The following RIT2 variants were observed in gnomAD, a reference collection of about 807,000 sequenced individuals.
RIT2 encodes Ras like without CAAX 2, also known as GTP-binding protein Rit2.
Under a neutral mutation model 23.7 loss-of-function variants are expected in RIT2, and 24 were observed. The observed-to-expected ratio is 1.01, with a 90% CI of 0.73 to 1.43. The LOEUF is 1.43. Ranked by LOEUF, RIT2 falls within the 40% of genes most tolerant of loss-of-function variation. The probability of loss-of-function intolerance (pLI) is 0.00; values close to 1 mark genes in which losing one functional copy is unlikely to be tolerated. For synonymous variants in RIT2, 107 were observed against 91.1 expected (o/e 1.17, Z -0.99); for missense variants, 236 against 266.9 (o/e 0.88, Z 0.81).
chr18:42,997,988 A>G (rs1911024479), intron 2 of RIT2, among the ~76,000 whole-genome samples: 1 of 152,196 alleles, frequency 6.6e-6, no homozygotes, highest in Non-Finnish European at 1.5e-5. Flanking sequence ...TAACCAAATC[A>G]TCTAAGCCAC....
At chr18:42,989,671 T>C (rs1910794033) in intron 2 of RIT2, among the ~76,000 whole-genome samples, 1 of 152,194 alleles carries the variant, frequency 6.6e-6, no homozygotes, top group Non-Finnish European at 1.5e-5. Context: ...TCATGGTTAC[T>C]GTGTTGGCCA....
chr18:42,792,511 C>A (rs557728248), intron 4 of RIT2, among the ~76,000 whole-genome samples: 1 of 152,192 alleles, frequency 6.6e-6, no homozygotes, highest in Admixed American at 6.5e-5. Context: ...TAAGAGTAGC[C>A]AATTTTCACT....
intron 4 of RIT2, among the ~76,000 whole-genome samples, chr18:42,885,217 A>C (rs577800159): frequency 8.4e-4 from 128 of 152,350 alleles, no homozygotes; most frequent in African/African-American, 3.0e-3. Context: ...CATTCATTTC[A>C]CAGATGGTAA....
intron 1 of RIT2, among the ~76,000 whole-genome samples, chr18:43,094,624 G>A (rs201891049): frequency 6.6e-6 from 1 of 152,132 alleles, no homozygotes; most frequent in East Asian, 1.9e-4. Context: ...TAGAATGAAT[G>A]TAGATATTAT....
intron 4 of RIT2, among the ~76,000 whole-genome samples, chr18:42,749,362 T>C (rs943057909): frequency 2.0e-5 from 3 of 151,804 alleles, no homozygotes; most frequent in African/African-American, 7.2e-5. Context: ...AGCATGTTTT[T>C]AAAAAGCATA....
At chr18:43,041,214 A>G (rs1335441527) in intron 1 of RIT2, among the ~76,000 whole-genome samples, 2 of 152,196 alleles carry the variant, frequency 1.3e-5, no homozygotes. Flanking sequence ...CTTTATGGAT[A>G]CAAAGAAAGT....
intron 4 of RIT2, among the ~76,000 whole-genome samples, chr18:42,892,827 T>C (rs1472498337): frequency 6.6e-6 from 1 of 152,172 alleles, no homozygotes; most frequent in Admixed American, 6.5e-5. Context: ...ATATACTGAA[T>C]TCACAGTGTT....
chr18:42,937,610 C>G (rs1158436576), intron 3 of RIT2, among the ~76,000 whole-genome samples: 1 of 152,120 alleles, frequency 6.6e-6, no homozygotes, highest in African/African-American at 2.4e-5. Context: ...AATGCAACTG[C>G]AAAGCTGGTT....
chr18:42,812,133 C>T (rs534644848), intron 4 of RIT2, among the ~76,000 whole-genome samples: 1 of 152,218 alleles, frequency 6.6e-6, no homozygotes, highest in African/African-American at 2.4e-5. Context: ...ATTTCTGGCT[C>T]TCTGAAACCA....
chr18:43,115,308 A>T, intron 1 of RIT2, 109 bp downstream of exon 1: 1 of 1,390,836 alleles, frequency 7.2e-7, no homozygotes, highest in Non-Finnish European at 9.9e-7. Flanking sequence ...TCTGTGTTTA[A>T]CTGCCACAGT....
chr18:42,938,531 A>G (rs1909517664), intron 3 of RIT2, among the ~76,000 whole-genome samples: 1 of 152,192 alleles, frequency 6.6e-6, no homozygotes, highest in African/African-American at 2.4e-5. Context: ...TTGAAGGAAG[A>G]CTTAACAAGA....
chr18:42,870,641 C>T (rs1308538389), intron 4 of RIT2, among the ~76,000 whole-genome samples: 1 of 151,994 alleles, frequency 6.6e-6, no homozygotes, highest in African/African-American at 2.4e-5. Context: ...CTGAAGATCC[C>T]ATACATAGGG....
chr18:42,838,506 C>G (rs1046264381), intron 4 of RIT2, among the ~76,000 whole-genome samples: 2 of 151,928 alleles, frequency 1.3e-5, no homozygotes, highest in Non-Finnish European at 2.9e-5. Flanking sequence ...GTAATACTAC[C>G]TCTAATCTTC....
At chr18:42,896,877 G>A (rs1033346614) in intron 4 of RIT2, among the ~76,000 whole-genome samples, 4 of 152,024 alleles carry the variant, frequency 2.6e-5, no homozygotes, top group Admixed American at 1.3e-4. Flanking sequence ...TCCTGGCTTA[G>A]GTAACAGTTT....
intron 4 of RIT2, among the ~76,000 whole-genome samples, chr18:42,783,800 AT>A (rs1255469005): frequency 6.7e-6 from 1 of 150,038 alleles, no homozygotes; most frequent in African/African-American, 2.5e-5. Context: ...AAAATAATTT[AT>A]TTGTAAACAT....
chr18:42,790,670 C>T (rs573635706), intron 4 of RIT2, among the ~76,000 whole-genome samples: 57 of 152,308 alleles, frequency 3.7e-4, no homozygotes, highest in African/African-American at 1.4e-3. Flanking sequence ...CTCAGGTGTG[C>T]CACCCGCCTC....
intron 3 of RIT2, among the ~76,000 whole-genome samples, chr18:42,933,783 G>A (rs1050416104): frequency 5.3e-5 from 8 of 151,962 alleles, no homozygotes; most frequent in African/African-American, 1.9e-4. Context: ...ACTTTGGGAG[G>A]CTGAGGCAGG....
intron 2 of RIT2, among the ~76,000 whole-genome samples, chr18:42,989,136 T>C (rs1910781870): frequency 6.6e-6 from 1 of 152,190 alleles, no homozygotes; most frequent in Non-Finnish European, 1.5e-5. Context: ...TTTGTCAGCT[T>C]CTCTAAGAGC....
chr18:43,014,614 TA>T (rs1911430063), intron 2 of RIT2, among the ~76,000 whole-genome samples: 3 of 150,082 alleles, frequency 2.0e-5, no homozygotes, highest in Non-Finnish European at 3.0e-5. Context: ...TTTTAAAATA[TA>T]ATAAATAAAT....
Sources: allele counts gnomAD v4.1 joint callset (sites outside exome capture counted in the v4.1 genomes callset), GRCh38; gene constraint gnomAD v4.1.1; transcripts MANE v1.5; gene names NCBI Gene and HGNC (gene_info 2026-07-23, HGNC 2026-07-21).